The following ADARB2 variants were observed in gnomAD, a reference collection of about 807,000 sequenced individuals.
ADARB2 encodes adenosine deaminase RNA specific B2 (inactive), also known as inactive double-stranded RNA-specific editase B2.
ADARB2 carries 25 observed loss-of-function variants against 62.2 expected under a neutral mutation model. That is an observed-to-expected ratio of 0.40 (90% CI 0.29 to 0.56). The LOEUF is 0.56. Ranked by LOEUF, ADARB2 falls within the 20% of genes least tolerant of loss-of-function variation. The probability of loss-of-function intolerance (pLI) is 0.43; values close to 1 mark genes in which losing one functional copy is unlikely to be tolerated. For synonymous variants in ADARB2, 572 were observed against 500.8 expected (o/e 1.14, Z -1.90); for missense variants, 1,071 against 1,077.4 (o/e 0.99, Z 0.08).
chr10:1,607,620 C>A (rs919054543), intron 1 of ADARB2, among the ~76,000 whole-genome samples: 1 of 152,228 alleles, frequency 6.6e-6, no homozygotes, highest in Non-Finnish European at 1.5e-5. Context: ...GTGCCATTCA[C>A]TCCTCCAGTA....
chr10:1,218,142 C>T (rs1256419287), intron 6 of ADARB2, among the ~76,000 whole-genome samples: 2 of 152,220 alleles, frequency 1.3e-5, no homozygotes, highest in Non-Finnish European at 2.9e-5. Context: ...CCTCCGCCTC[C>T]CAGGTTCAAG....
At chr10:1,354,805 T>C (rs1056210966) in intron 3 of ADARB2, among the ~76,000 whole-genome samples, 2 of 152,204 alleles carry the variant, frequency 1.3e-5, no homozygotes, top group African/African-American at 4.8e-5. Flanking sequence ...TTTGGTGTAA[T>C]GATGAGTCCC....
chr10:1,378,458 G>C (rs1025454481), intron 2 of ADARB2, among the ~76,000 whole-genome samples: 9 of 152,302 alleles, frequency 5.9e-5, no homozygotes, highest in African/African-American at 2.2e-4. Context: ...TTAATTTCTT[G>C]GAATAATTTC....
intron 1 of ADARB2, among the ~76,000 whole-genome samples, chr10:1,473,645 G>A (rs1458401753): frequency 1.3e-5 from 2 of 152,300 alleles, no homozygotes; most frequent in African/African-American, 4.8e-5. Flanking sequence ...GCCTCCCAAA[G>A]TGTTGGGATT....
chr10:1,346,192 G>A lies in ADARB2; in HGVS notation c.1077+16836C>T, dbSNP rs545593121. 2.6e-5 allele frequency among the ~76,000 whole-genome samples: 4 copies of A among 152,174 alleles called. No homozygotes were observed. In the East Asian group the frequency reaches 5.8e-4, roughly 22 times the overall value. ...AAATGCATTTTAAAAACCTTTAATCGTGGTGCCGTTGTTACAAACTCTCAT... is the reference window on the plus strand; with the variant it reads ...AAATGCATTTTAAAAACCTTTAATCATGGTGCCGTTGTTACAAACTCTCAT... On this transcript the variant is annotated intron_variant, in intron 3 of 9. Coordinates refer to ENST00000381312, the MANE Select transcript of ADARB2 (RefSeq NM_018702.4).
chr10:1,294,127 C>T (rs774368299), intron 3 of ADARB2, among the ~76,000 whole-genome samples: 6 of 152,032 alleles, frequency 3.9e-5, no homozygotes, highest in African/African-American at 1.4e-4. Context: ...GCAGTGGGTA[C>T]GAGAATAGAT....
chr10:1,395,243 C>T (rs1274930723), intron 1 of ADARB2, among the ~76,000 whole-genome samples: 3 of 152,272 alleles, frequency 2.0e-5, no homozygotes, highest in East Asian at 3.9e-4. Context: ...AGCTCCGGCC[C>T]GACAGCTGAT....
chr10:1,209,030 G>A (rs987620228), intron 7 of ADARB2, among the ~76,000 whole-genome samples: 1 of 152,266 alleles, frequency 6.6e-6, no homozygotes, highest in African/African-American at 2.4e-5. Context: ...CAGATACCAC[G>A]GTGGATTTCA....
At position 1,356,442 on chromosome 10, in the gene ADARB2, G is replaced by A. The variant is rs140785956; in HGVS notation, c.1077+6586C>T. Among the ~76,000 whole-genome samples the A allele has an allele frequency of 3.5e-3, 528 of 152,272 alleles. 4 individuals carry two copies. The highest frequency in any genetic ancestry group is 0.012 in the African/African-American group (503 of 41,542). On this transcript the variant is annotated intron_variant, in intron 3 of 9. Transcript: ENST00000381312. ...CAGAGAACAGAACCGCCTGGGGTGA[G>A]CTGGTGGAAAACAACAGAACTTCAC... is the stretch of plus-strand genomic sequence containing the variant.
At chr10:1,243,597 T>C (rs1830948507) in intron 4 of ADARB2, among the ~76,000 whole-genome samples, 1 of 152,206 alleles carries the variant, frequency 6.6e-6, no homozygotes, top group South Asian at 2.1e-4. Flanking sequence ...GGGATCTTTC[T>C]TCGTGAGATA....
chr10:1,641,303 G>T (rs531897833), intron 1 of ADARB2, among the ~76,000 whole-genome samples: 3 of 152,216 alleles, frequency 2.0e-5, no homozygotes, highest in Non-Finnish European at 2.9e-5. Context: ...GCAACAGCAC[G>T]AAGTGGTGTG....
intron 1 of ADARB2, among the ~76,000 whole-genome samples, chr10:1,710,052 C>T (rs537327146): frequency 1.3e-5 from 2 of 152,334 alleles, no homozygotes; most frequent in South Asian, 4.1e-4. Context: ...AGTGCTCAGT[C>T]GAGGACGGTT....
chr10:1,189,780 GGC>G (rs1836813871), intron 8 of ADARB2, among the ~76,000 whole-genome samples: 2 of 140,258 alleles, frequency 1.4e-5, no homozygotes, highest in South Asian at 2.4e-4. Context: ...CAGAACACGT[GGC>G]GCTACCTCCT....
chr10:1,692,966 C>G (rs1325208104), intron 1 of ADARB2, among the ~76,000 whole-genome samples: 3 of 152,148 alleles, frequency 2.0e-5, no homozygotes, highest in Non-Finnish European at 4.4e-5. Context: ...CATGCAGCCT[C>G]TAACCTATAC....
At chr10:1,377,118 T>C (rs1412297491) in intron 2 of ADARB2, among the ~76,000 whole-genome samples, 1 of 131,162 alleles carries the variant, frequency 7.6e-6, no homozygotes, top group Non-Finnish European at 1.6e-5. Flanking sequence ...GGGATGTGTG[T>C]GTGCGGTGCG....
chr10:1,249,616 GCACACA>G (rs58472524), intron 4 of ADARB2, among the ~76,000 whole-genome samples: 7 of 147,354 alleles, frequency 4.8e-5, no homozygotes, highest in Non-Finnish European at 7.5e-5. Flanking sequence ...GTGATTTTAT[GCACACA>G]CACACACACA....
intron 7 of ADARB2, among the ~76,000 whole-genome samples, chr10:1,203,627 G>C (rs883490): frequency 0.27 from 40,249 of 151,788 alleles, 5,771 homozygotes; most frequent in African/African-American, 0.35. Flanking sequence ...ATTTTGGTGT[G>C]ACTGGGGAGT....
chr10:1,502,914 G>A (rs1831784007), intron 1 of ADARB2, among the ~76,000 whole-genome samples: 1 of 152,126 alleles, frequency 6.6e-6, no homozygotes, highest in African/African-American at 2.4e-5. Flanking sequence ...ATGAGCATAT[G>A]GTGCCATTTA....
At chr10:1,344,255 A>C (rs563493899) in intron 3 of ADARB2, among the ~76,000 whole-genome samples, 79 of 152,346 alleles carry the variant, frequency 5.2e-4, no homozygotes, top group African/African-American at 1.8e-3. Context: ...AGGCAGGGAA[A>C]TAGGTTCCTT....
Sources: gnomAD v4.1 joint callset for allele counts (sites outside exome capture counted in the v4.1 genomes callset) on GRCh38, gnomAD v4.1.1 for gene constraint, MANE v1.5 for transcripts, NCBI Gene and HGNC (gene_info 2026-07-23, HGNC 2026-07-21) for gene names.